The following SRPK2 variants were observed in gnomAD, a reference collection of about 807,000 sequenced individuals.
SRPK2 encodes the protein SFRS protein kinase 2.
In SRPK2, 21 loss-of-function variants were observed where a neutral mutation model predicts 90.8. That is an observed-to-expected ratio of 0.23 (90% CI 0.16 to 0.33). The LOEUF (loss-of-function observed/expected upper bound fraction) is 0.33, where lower values mean the gene tolerates loss of function less well. Ranked by LOEUF, SRPK2 falls within the 10% of genes least tolerant of loss-of-function variation. The pLI is 1.00. For missense variants in SRPK2, 620 were observed against 869.0 expected (o/e 0.71, Z 3.60); for synonymous variants, 288 against 311.1 (o/e 0.93, Z 0.78).
chr7:105,292,812 C>T (rs1045216176), intron 2 of SRPK2, among the ~76,000 whole-genome samples: 2 of 152,176 alleles, frequency 1.3e-5, no homozygotes, highest in African/African-American at 4.8e-5. Context: ...CTTAAACCAT[C>T]TATGGCACTT....
intron 2 of SRPK2, among the ~76,000 whole-genome samples, chr7:105,271,150 T>G (rs1479319253): frequency 1.3e-5 from 2 of 152,236 alleles, no homozygotes; most frequent in Non-Finnish European, 2.9e-5. Flanking sequence ...TCCATCTTCA[T>G]CATGGCAATT....
chr7:105,135,079 A>G (rs906415436), intron 11 of SRPK2, among the ~76,000 whole-genome samples: 6 of 152,320 alleles, frequency 3.9e-5, no homozygotes, highest in East Asian at 1.9e-4. Context: ...TGCTGACCCA[A>G]TGGGTAGATG....
At chr7:105,125,129 C>CAAAA (rs61616576) in intron 15 of SRPK2, among the ~76,000 whole-genome samples, 5 of 88,068 alleles carry the variant, frequency 5.7e-5, no homozygotes, top group Admixed American at 1.3e-4. Context: ...GACTCCATCT[C>CAAAA]AAAAAAAAAA....
intron 2 of SRPK2, among the ~76,000 whole-genome samples, chr7:105,286,155 G>A (rs1233499379): frequency 6.6e-6 from 1 of 152,168 alleles, no homozygotes; most frequent in Non-Finnish European, 1.5e-5. Flanking sequence ...CATAGGGTTT[G>A]GGTTCTAAGC....
At chr7:105,297,444 T>A in intron 2 of SRPK2, 1 of 985,276 alleles carries the variant, frequency 1.0e-6, no homozygotes, top group Non-Finnish European at 1.2e-6. Context: ...TGCATATTTT[T>A]CAAAACACAT....
intron 3 of SRPK2, among the ~76,000 whole-genome samples, chr7:105,189,982 G>A (rs901990407): frequency 1.3e-5 from 2 of 152,204 alleles, no homozygotes; most frequent in Non-Finnish European, 2.9e-5. Flanking sequence ...TCTCACCACT[G>A]CCATGCCACA....
At chr7:105,145,060 C>G (rs1390646004) in intron 9 of SRPK2, among the ~76,000 whole-genome samples, 2 of 147,792 alleles carry the variant, frequency 1.4e-5, no homozygotes, top group African/African-American at 5.0e-5. Context: ...GAGCCGAGAT[C>G]GCACCACTTG....
At chr7:105,352,447 T>C (rs1324843800) in intron 2 of SRPK2, among the ~76,000 whole-genome samples, 2 of 152,328 alleles carry the variant, frequency 1.3e-5, no homozygotes, top group South Asian at 4.1e-4. Context: ...TGGAAGCAGA[T>C]CCTCCAGCCT....
At chr7:105,198,575 C>T (rs553367122) in intron 3 of SRPK2, among the ~76,000 whole-genome samples, 92 of 152,204 alleles carry the variant, frequency 6.0e-4, no homozygotes, top group African/African-American at 2.2e-3. Context: ...AGGAAACACA[C>T]CCAACATGAG....
intron 2 of SRPK2, among the ~76,000 whole-genome samples, chr7:105,340,879 G>T (rs982214310): frequency 6.6e-6 from 1 of 152,112 alleles, no homozygotes; most frequent in Non-Finnish European, 1.5e-5. Context: ...AGCATAAAAG[G>T]CTGCAATAAA....
chr7:105,322,198 T>C (rs1813013463), intron 2 of SRPK2, among the ~76,000 whole-genome samples: 1 of 152,168 alleles, frequency 6.6e-6, no homozygotes, highest in South Asian at 2.1e-4. Flanking sequence ...ACAGATCACT[T>C]GAGGTCAGGA....
Position 105,322,905 on chromosome 7 carries a change from T to C in SRPK2, c.71+65743A>G, listed in dbSNP as rs147681285. Among the ~76,000 whole-genome samples the C allele has an allele frequency of 4.3e-4, 66 of 152,008 alleles. 1 individual carries two copies. The East Asian group carries it at 0.012, about 28-fold the overall frequency. ...GTGCAGCTGGAGACAAAACACAGGATCAAAAATGTCCAGCCAGACACGGTG... is the reference window on the plus strand; with the variant it reads ...GTGCAGCTGGAGACAAAACACAGGACCAAAAATGTCCAGCCAGACACGGTG... On this transcript the variant is annotated intron_variant, in intron 2 of 15. Transcript: ENST00000393651.
chr7:105,364,008 G>T (rs1818732797), intron 2 of SRPK2, among the ~76,000 whole-genome samples: 1 of 151,108 alleles, frequency 6.6e-6, no homozygotes. Flanking sequence ...CACAGGGCGG[G>T]GAACATCACA....
chr7:105,212,360 A>G (rs1233397179), intron 2 of SRPK2, among the ~76,000 whole-genome samples: 3 of 152,184 alleles, frequency 2.0e-5, no homozygotes, highest in Non-Finnish European at 4.4e-5. Flanking sequence ...AATGTAAGCA[A>G]CTGCTCCTGG....
chr7:105,348,657 AG>A (rs1482187804), intron 2 of SRPK2, among the ~76,000 whole-genome samples: 3 of 151,244 alleles, frequency 2.0e-5, no homozygotes, highest in Admixed American at 6.6e-5. Flanking sequence ...TACTGACCTC[AG>A]GTGATCCAAC....
At chr7:105,206,298 C>T (rs796959432) in intron 2 of SRPK2, 18 of 219,432 alleles carry the variant, frequency 8.2e-5, no homozygotes, top group African/African-American at 4.1e-4. Flanking sequence ...ATGGAGTAGA[C>T]TGCAGTATGG....
rs184495099 is a variant in SRPK2, at chr7:105,306,125, C to T, written c.71+82523G>A. The T allele has an allele frequency of 3.6e-5, 6 of 166,294 alleles. No homozygotes were observed. In the East Asian group the frequency reaches 1.0e-3, roughly 29 times the overall value. The allele number at this position is 166,294 out of a possible 1,614,324, so 10.3% of individuals were successfully genotyped here. A position where few individuals can be genotyped will look rare whatever the true frequency, so the allele number is the denominator to read the frequency against. ...TAGAAAACCAACAAAAATGAGGTAC[C>T]AAAAGAAGTAAGAGGATTTTTTTTT... On this transcript the variant is annotated intron_variant, in intron 2 of 15. Coordinates refer to ENST00000393651, the MANE Select transcript of SRPK2 (RefSeq NM_182692.3).
chr7:105,271,690 G>A (rs2130552844), intron 2 of SRPK2, among the ~76,000 whole-genome samples: 1 of 152,302 alleles, frequency 6.6e-6, no homozygotes, highest in South Asian at 2.1e-4. Flanking sequence ...AGGCTCCTCA[G>A]TCCACAGACT....
intron 2 of SRPK2, among the ~76,000 whole-genome samples, chr7:105,324,099 C>T (rs577859550): frequency 2.0e-5 from 3 of 151,020 alleles, no homozygotes; most frequent in Admixed American, 6.6e-5. Context: ...CGGGTTCAAG[C>T]GATTCTCCTG....
Sources: allele counts gnomAD v4.1 joint callset (sites outside exome capture counted in the v4.1 genomes callset), GRCh38; gene constraint gnomAD v4.1.1; transcripts MANE v1.5; gene names NCBI Gene and HGNC (gene_info 2026-07-23, HGNC 2026-07-21).